The following IGF2BP2 variants were observed in gnomAD, a reference collection of about 807,000 sequenced individuals.
IGF2BP2 encodes insulin like growth factor 2 mRNA binding protein 2.
In IGF2BP2, 17 loss-of-function variants were observed where a neutral mutation model predicts 75.8. The ratio of observed to expected loss-of-function variants is 0.22; its 90% CI spans 0.15 to 0.34. IGF2BP2 has a LOEUF of 0.34. IGF2BP2 is among the 10% of genes least tolerant of loss of function. The pLI, the probability that IGF2BP2 is intolerant of heterozygous loss-of-function variation, is 1.00. For missense variants in IGF2BP2, 516 were observed against 772.4 expected, an observed-to-expected ratio of 0.67 and a Z score of 3.93; for synonymous variants, 288 against 295.6, an observed-to-expected ratio of 0.97 and a Z score of 0.26.
chr3:185,645,677 T>A lies in IGF2BP2; in HGVS notation c.1708-54A>T. ...GGGACAGGGGAAAAAAGGAACCCAGTTCTGAGGACAAACGGCAGGGGAGGC... is the reference window on the plus strand; with the variant it reads ...GGGACAGGGGAAAAAAGGAACCCAGATCTGAGGACAAACGGCAGGGGAGGC... On this transcript the variant is annotated intron_variant, in intron 15 of 15. Transcript: ENST00000382199. This position sits in a 1 kb window ranked among gnomAD's most constrained non-coding sequence, Gnocchi z 4.9. The A allele has an allele frequency of 7.2e-7, 1 of 1,390,676 alleles. No individual in the cohort carries two copies. Among genetic ancestry groups the A allele is most frequent in the East Asian group, 2.3e-5 (1 of 43,776 alleles). The allele number at this position is 1,390,676 out of a possible 1,614,324, so 86.1% of individuals were successfully genotyped here. A position where few individuals can be genotyped will look rare whatever the true frequency, so the allele number is the denominator to read the frequency against.
chr3:185,718,765 A>C (rs1351685688), intron 2 of IGF2BP2, among the ~76,000 whole-genome samples: 1 of 151,624 alleles, frequency 6.6e-6, no homozygotes, highest in Non-Finnish European at 1.5e-5. Context: ...ATCTGAGTGG[A>C]AAATGGAAGC....
At chr3:185,801,519 A>C (rs1156981796) in intron 2 of IGF2BP2, among the ~76,000 whole-genome samples, 1 of 151,750 alleles carries the variant, frequency 6.6e-6, no homozygotes, top group Non-Finnish European at 1.5e-5. Flanking sequence ...AAGTCAGGAA[A>C]CAACAGATGC....
intron 14 of IGF2BP2, among the ~76,000 whole-genome samples, chr3:185,648,896 T>C (rs1714075700): frequency 6.6e-6 from 1 of 151,382 alleles, no homozygotes; most frequent in Non-Finnish European, 1.5e-5. Flanking sequence ...GGAGGGGGAG[T>C]TAGGGACTGG....
At chr3:185,763,449 T>C (rs1253871344) in intron 2 of IGF2BP2, among the ~76,000 whole-genome samples, 1 of 152,220 alleles carries the variant, frequency 6.6e-6, no homozygotes, top group Non-Finnish European at 1.5e-5. Context: ...ATATTCATAA[T>C]GTAACCAGCA....
chr3:185,700,439 G>A (rs1397284837), intron 2 of IGF2BP2, among the ~76,000 whole-genome samples: 2 of 152,038 alleles, frequency 1.3e-5, no homozygotes, highest in African/African-American at 2.4e-5. Context: ...GTATCAGGAC[G>A]GAAAAAGAAT....
At chr3:185,704,952 T>A (rs1293706072) in intron 2 of IGF2BP2, among the ~76,000 whole-genome samples, 2 of 152,226 alleles carry the variant, frequency 1.3e-5, no homozygotes, top group Non-Finnish European at 2.9e-5. Flanking sequence ...ATAAATAAAC[T>A]GTTGAAAATG....
intron 2 of IGF2BP2, chr3:185,814,218 A>C (rs961845652): frequency 2.0e-5 from 3 of 152,152 alleles, no homozygotes; most frequent in Admixed American, 6.5e-5. Flanking sequence ...CTTCTTTCTT[A>C]ATAATTTAAG....
intron 2 of IGF2BP2, among the ~76,000 whole-genome samples, chr3:185,721,945 C>T (rs1215312386): frequency 6.6e-6 from 1 of 151,770 alleles, no homozygotes; most frequent in Non-Finnish European, 1.5e-5. Flanking sequence ...ATTTACCAAC[C>T]ATTCACTTAT....
In IGF2BP2 at chr3:185,687,049, A is replaced by T. The variant is rs369046363; in HGVS notation, c.812+8T>A. On this transcript the variant is annotated splice_region_variant and intron_variant, in intron 7 of 15. Transcript: ENST00000382199. Reference sequence around the variant, plus strand: ...GTTGAGTGATCTGGGCATTGCATGCAAACTTACAGTTTGGTCTCATCTGCC... The same window carrying T: ...GTTGAGTGATCTGGGCATTGCATGCTAACTTACAGTTTGGTCTCATCTGCC... 1 of 1,611,278 alleles carries T rather than the reference A, an allele frequency of 6.2e-7. No homozygotes were observed. Among genetic ancestry groups the T allele is most frequent in the Non-Finnish European group, 8.5e-7 (1 of 1,179,636 alleles).
chr3:185,747,206 G>A (rs539343747), intron 2 of IGF2BP2, among the ~76,000 whole-genome samples: 12 of 152,192 alleles, frequency 7.9e-5, no homozygotes, highest in Admixed American at 2.6e-4. Context: ...AATAGCTACC[G>A]TTTTACTGCT....
intron 15 of IGF2BP2, 60 bp downstream of exon 15, chr3:185,646,965 A>G: frequency 1.5e-6 from 2 of 1,293,634 alleles, no homozygotes; most frequent in Non-Finnish European, 2.2e-6. Context: ...GGCCACCAGC[A>G]GCTTAGCAGA....
chr3:185,765,625 C>T (rs113059956), intron 2 of IGF2BP2, among the ~76,000 whole-genome samples: 3,560 of 152,330 alleles, frequency 0.023, 67 homozygotes, highest in Middle Eastern at 0.054. Context: ...TCTATTAATA[C>T]ATGAAAGGCA....
intron 2 of IGF2BP2, among the ~76,000 whole-genome samples, chr3:185,798,787 C>CTTTT (rs1260800467): frequency 2.3e-5 from 3 of 133,140 alleles, no homozygotes; most frequent in Non-Finnish European, 1.6e-5. Flanking sequence ...TTTCTTTTTT[C>CTTTT]TTTTTTTCTT....
intron 2 of IGF2BP2, among the ~76,000 whole-genome samples, chr3:185,705,993 C>A (rs1325554659): frequency 6.6e-6 from 1 of 152,202 alleles, no homozygotes; most frequent in Non-Finnish European, 1.5e-5. Context: ...CCTCTCAGAG[C>A]CTACTAGCTC....
chr3:185,706,385 G>A (rs562672282), intron 2 of IGF2BP2, among the ~76,000 whole-genome samples: 123 of 152,248 alleles, frequency 8.1e-4, no homozygotes, highest in Non-Finnish European at 1.2e-3. Context: ...CTGGGCAACC[G>A]AGTACCGAGT....
chr3:185,753,689 T>C (rs1731235998), intron 2 of IGF2BP2, among the ~76,000 whole-genome samples: 1 of 152,110 alleles, frequency 6.6e-6, no homozygotes, highest in Admixed American at 6.6e-5. Flanking sequence ...AATAAAACAA[T>C]AGCAGCATCC....
chr3:185,758,173 C>T (rs1731890821), intron 2 of IGF2BP2, among the ~76,000 whole-genome samples: 1 of 152,180 alleles, frequency 6.6e-6, no homozygotes, highest in African/African-American at 2.4e-5. Flanking sequence ...GTTCATGCAA[C>T]AAAACATGGG....
At chr3:185,713,608 T>C (rs928643954) in intron 2 of IGF2BP2, 3 of 428,884 alleles carry the variant, frequency 7.0e-6, no homozygotes, top group Non-Finnish European at 1.4e-5. Flanking sequence ...AACATTGCGA[T>C]TCTGTGGATC....
intron 2 of IGF2BP2, among the ~76,000 whole-genome samples, chr3:185,795,246 CTT>C (rs1737206999): frequency 6.6e-6 from 1 of 152,148 alleles, no homozygotes; most frequent in South Asian, 2.1e-4. Context: ...CCTCTTGTGA[CTT>C]ATTTCATTAG....
Sources: gnomAD v4.1 joint callset for allele counts (sites outside exome capture counted in the v4.1 genomes callset) on GRCh38, gnomAD v4.1.1 for gene constraint, Gnocchi (gnomAD v3.1) non-coding constraint, MANE v1.5 for transcripts, NCBI Gene and HGNC (gene_info 2026-07-23, HGNC 2026-07-21) for gene names.